The following CASP8 variants were observed in gnomAD, a reference collection of about 807,000 sequenced individuals.
The protein encoded by CASP8 is caspase 8.
CASP8 carries 24 observed loss-of-function variants against 46.3 expected under a neutral mutation model. That is an observed-to-expected ratio of 0.52 (90% CI 0.38 to 0.73). The LOEUF is 0.73. Ranked by LOEUF, CASP8 falls within the 30% of genes least tolerant of loss-of-function variation. CASP8 has a pLI of 0.00. For missense variants in CASP8, 460 were observed against 559.0 expected (o/e 0.82, Z 1.79); for synonymous variants, 188 against 200.4 (o/e 0.94, Z 0.52).
chr2:201,239,875 GATAAGTGAAAC>G (rs1409149773), intron 2 of CASP8, among the ~76,000 whole-genome samples: 3 of 152,212 alleles, frequency 2.0e-5, no homozygotes, highest in Admixed American at 2.0e-4. Context: ...TTTGTCTGTT[GATAAGTGAAAC>G]CAAGTTCCTG....
Position 201,282,048 on chromosome 2 carries a change from A to G in CASP8, c.803-2768A>G, listed in dbSNP as rs570556159. 11 of 204,572 alleles carry G rather than the reference A, an allele frequency of 5.4e-5. 1 individual carries two copies. Among genetic ancestry groups the G allele is most frequent in the East Asian group, 1.2e-4 (1 of 8,580 alleles). The allele number at this position is 204,572 out of a possible 1,614,324, so 12.7% of individuals were successfully genotyped here. A position where few individuals can be genotyped will look rare whatever the true frequency, so the allele number is the denominator to read the frequency against. On this transcript the variant is annotated intron_variant, in intron 7 of 8. Transcript: ENST00000673742. ...AGGTCAGCAGATAAACAAGTGAACA[A>G]AGGTCTCTGGTTTTCCTAGGCAGAG...
chr2:201,260,742 G>A (rs1451775567), intron 1 of CASP8, 129 bp downstream of exon 1: 10 of 160,692 alleles, frequency 6.2e-5, no homozygotes. Flanking sequence ...CCTCGTATGT[G>A]AGTGTGGATG....
rs563975140 is a variant in CASP8 at position 201,287,157 on chromosome 2, T to G, written c.*563T>G. ...AGAGGGCTTATGATTCAGATTGTTA[T>G]CTATCAACTATAAGCCCACTGTTAA... On this transcript the variant is annotated 3_prime_UTR_variant, in exon 9 of 9. Transcript: ENST00000673742. 2.5e-5 allele frequency: 4 copies of G among 161,312 alleles called. No homozygotes were observed. The highest frequency in any genetic ancestry group is 7.2e-5 in the African/African-American group (3 of 41,668). 10.0% of individuals were successfully genotyped at this position (161,312 alleles called of 1,614,324 possible).
At chr2:201,244,051 G>A (rs972141699) in intron 2 of CASP8, among the ~76,000 whole-genome samples, 1 of 152,146 alleles carries the variant, frequency 6.6e-6, no homozygotes, top group Non-Finnish European at 1.5e-5. Flanking sequence ...GAGCCCAAGC[G>A]AGAAACATAG....
chr2:201,244,851 CTG>C (rs1235688861), intron 2 of CASP8, among the ~76,000 whole-genome samples: 1 of 152,166 alleles, frequency 6.6e-6, no homozygotes, highest in Non-Finnish European at 1.5e-5. Flanking sequence ...CCCAGAGAGA[CTG>C]AGGCTGTGCA....
chr2:201,258,508 T>C, upstream of CASP8: 1 of 1,106,002 alleles, frequency 9.0e-7, no homozygotes, highest in Non-Finnish European at 1.4e-6. Flanking sequence ...TGAGGACACC[T>C]CTGGGTGCTG....
chr2:201,283,194 G>A (rs1278853737), intron 7 of CASP8, among the ~76,000 whole-genome samples: 1 of 78,802 alleles, frequency 1.3e-5, no homozygotes, highest in Non-Finnish European at 3.1e-5. Context: ...CTCACCTCCT[G>A]GACGGGGCGG....
At chr2:201,279,155 A>G (rs1473190647) in intron 7 of CASP8, among the ~76,000 whole-genome samples, 3 of 152,326 alleles carry the variant, frequency 2.0e-5, no homozygotes, top group Middle Eastern at 3.4e-3. Context: ...GAAAACAGGA[A>G]GATTCTTTGA....
chr2:201,247,190 C>CAA (rs71022356), intron 2 of CASP8, among the ~76,000 whole-genome samples: 1,095 of 81,282 alleles, frequency 0.013, 49 homozygotes, highest in African/African-American at 0.05. Flanking sequence ...CTGTCTGTCT[C>CAA]AAAAAAAAAA....
intron 7 of CASP8, among the ~76,000 whole-genome samples, chr2:201,283,177 G>A (rs1173420937): frequency 1.4e-5 from 1 of 72,230 alleles, no homozygotes; most frequent in East Asian, 4.3e-4. Flanking sequence ...GCCGGGCAGA[G>A]GCGCCCCTCA....
At position 201,250,041 on chromosome 2, in the gene CASP8, T is replaced by C. The variant is rs12611986; in HGVS notation, c.-27+15929T>C. On this transcript the variant is annotated intron_variant, in intron 2 of 6. Transcript: ENST00000264274. ...ACTCCAAGAAGCAGTTACAGTTTGATGTAGGTTTGATAAAGGGTGGACAGT... is the reference window on the plus strand; with the variant it reads ...ACTCCAAGAAGCAGTTACAGTTTGACGTAGGTTTGATAAAGGGTGGACAGT... Among the ~76,000 whole-genome samples, 4 of 152,366 alleles carry C rather than the reference T, an allele frequency of 2.6e-5. No individual in the cohort carries two copies. In the East Asian group the frequency reaches 5.8e-4, roughly 22 times the overall value.
intron 2 of CASP8, among the ~76,000 whole-genome samples, chr2:201,254,750 G>A (rs1199338157): frequency 6.6e-6 from 1 of 152,200 alleles, no homozygotes; most frequent in Non-Finnish European, 1.5e-5. Flanking sequence ...GGACATGGTA[G>A]GAGACACAGT....
intron 3 of CASP8, among the ~76,000 whole-genome samples, chr2:201,271,995 G>A (rs1478485538): frequency 2.0e-5 from 3 of 151,994 alleles, no homozygotes; most frequent in South Asian, 2.1e-4. Context: ...GTGTATTTCC[G>A]TGTCTGTGTG....
intron 2 of CASP8, among the ~76,000 whole-genome samples, chr2:201,248,191 G>A (rs1224682832): frequency 2.6e-5 from 4 of 152,140 alleles, no homozygotes; most frequent in Non-Finnish European, 4.4e-5. Flanking sequence ...AATTAAGCAG[G>A]TAAAGAAAAA....
intron 2 of CASP8, chr2:201,269,657 C>T (rs756102899): frequency 9.0e-5 from 117 of 1,302,792 alleles, no homozygotes; most frequent in Non-Finnish European, 1.2e-4. Flanking sequence ...TAAAAGGGTC[C>T]GGGCAATCCT....
chr2:201,272,596 G>A lies in CASP8; in HGVS notation c.412-42G>A, dbSNP rs752855356. 4.3e-6 allele frequency: 7 copies of A among 1,611,004 alleles called. No individual in the cohort carries two copies. In the East Asian group the frequency reaches 6.7e-5, roughly 15 times the overall value. ...AAAAAATCTAATCTAAAAACCAGTA[G>A]GGCTCAATCCAGATTCCCAACTTTA... On this transcript the variant is annotated intron_variant, in intron 3 of 8. Transcript: ENST00000673742. The surrounding 1 kb of genome is among the most constrained non-coding windows in gnomAD (Gnocchi z 4.4).
chr2:201,279,423 C>T (rs913374339), intron 7 of CASP8, among the ~76,000 whole-genome samples: 10 of 152,322 alleles, frequency 6.6e-5, no homozygotes, highest in Admixed American at 2.6e-4. Context: ...ACACTGGCAG[C>T]AGATACAGAC....
At chr2:201,256,930 G>A (rs79819108), upstream of CASP8, among the ~76,000 whole-genome samples, 1 of 152,140 alleles carries the variant, frequency 6.6e-6, no homozygotes, top group East Asian at 1.9e-4. Context: ...TGGATCACCT[G>A]AGGTCGTGAG....
At chr2:201,270,858 G>A (rs1445059307) in intron 2 of CASP8, among the ~76,000 whole-genome samples, 1 of 152,156 alleles carries the variant, frequency 6.6e-6, no homozygotes, top group East Asian at 1.9e-4. Flanking sequence ...GTGTGTTATC[G>A]TTTTGGGGTT....
Sources: gnomAD v4.1 joint callset for allele counts (sites outside exome capture counted in the v4.1 genomes callset) on GRCh38, gnomAD v4.1.1 for gene constraint, Gnocchi (gnomAD v3.1) non-coding constraint, MANE v1.5 for transcripts, NCBI Gene and HGNC (gene_info 2026-07-23, HGNC 2026-07-21) for gene names.